ATP2B2: variants seen among roughly 807,000 people sequenced by gnomAD.
The protein encoded by ATP2B2 is ATPase plasma membrane Ca2+ transporting 2, also known as plasma membrane calcium-transporting ATPase 2.
A neutral mutation model predicts 120.0 loss-of-function variants in ATP2B2; 15 were observed. The ratio of observed to expected loss-of-function variants is 0.12; its 90% CI spans 0.08 to 0.19. ATP2B2 has a LOEUF of 0.19. ATP2B2 is among the 10% of genes least tolerant of loss of function. The probability of loss-of-function intolerance (pLI) is 1.00; values close to 1 mark genes in which losing one functional copy is unlikely to be tolerated. For synonymous variants in ATP2B2, 694 were observed against 700.3 expected (o/e 0.99, Z 0.14); for missense variants, 1,045 against 1,719.8 (o/e 0.61, Z 6.94).
intron 1 of ATP2B2, among the ~76,000 whole-genome samples, chr3:10,629,494 G>A (rs2069804338): frequency 6.6e-6 from 1 of 152,222 alleles, no homozygotes; most frequent in Non-Finnish European, 1.5e-5. Flanking sequence ...CCTTCCGTGT[G>A]CCACATGCCT....
At chr3:10,533,218 A>G (rs2067245899) in intron 3 of ATP2B2, among the ~76,000 whole-genome samples, 1 of 152,222 alleles carries the variant, frequency 6.6e-6, no homozygotes, top group Admixed American at 6.5e-5. Flanking sequence ...GCAAGGAGCC[A>G]CAGAAATCTC....
chr3:10,701,876 A>AT (rs949273148), intron 1 of ATP2B2, among the ~76,000 whole-genome samples: 23 of 149,130 alleles, frequency 1.5e-4, no homozygotes, highest in South Asian at 1.3e-3. Context: ...GAGCATACAA[A>AT]TTTTTTTTTT....
chr3:10,506,462 T>G (rs2066630966), upstream of ATP2B2, among the ~76,000 whole-genome samples: 7 of 151,400 alleles, frequency 4.6e-5, no homozygotes, highest in Admixed American at 3.9e-4. Flanking sequence ...GGGTGAGGAG[T>G]CGGTAGGGTT....
chr3:10,358,113 CT>C (rs1189985461), intron 14 of ATP2B2, among the ~76,000 whole-genome samples: 2 of 152,196 alleles, frequency 1.3e-5, no homozygotes, highest in Non-Finnish European at 2.9e-5. Context: ...AACTTTCTAG[CT>C]CTGTTCCCCT....
At chr3:10,379,356 AG>A in intron 8 of ATP2B2, 72 bp from the exon 9 acceptor site, 38 of 1,507,720 alleles carry the variant, frequency 2.5e-5, no homozygotes, top group Non-Finnish European at 3.5e-5. Flanking sequence ...AAGACGCAAC[AG>A]GCCACAGACA....
chr3:10,682,353 G>A (rs2071403595), intron 1 of ATP2B2, among the ~76,000 whole-genome samples: 1 of 152,184 alleles, frequency 6.6e-6, no homozygotes, highest in African/African-American at 2.4e-5. Flanking sequence ...ACAAATCACA[G>A]CACTGTGGTC....
chr3:10,606,756 A>T (rs2069078592), intron 2 of ATP2B2, among the ~76,000 whole-genome samples: 1 of 152,044 alleles, frequency 6.6e-6, no homozygotes, highest in South Asian at 2.1e-4. Context: ...ACACCTGCTT[A>T]TGTATAAGAC....
chr3:10,365,616 GGGTGTGTGTCTGT>G (rs2061022274), intron 12 of ATP2B2, among the ~76,000 whole-genome samples: 1 of 151,262 alleles, frequency 6.6e-6, no homozygotes, highest in South Asian at 2.1e-4. Flanking sequence ...GTGATGCATG[GGGTGTGTGTCTGT>G]GGTGTGTGTA....
chr3:10,455,293 G>T (rs1056262613), intron 1 of ATP2B2, among the ~76,000 whole-genome samples: 2 of 152,142 alleles, frequency 1.3e-5, no homozygotes, highest in Non-Finnish European at 2.9e-5. Flanking sequence ...TTGTAATGAG[G>T]CATCAGAGTG....
At position 10,346,159 on chromosome 3, in the gene ATP2B2, C is replaced by T. The variant is rs2060425908; in HGVS notation, c.2405-22G>A. On this transcript the variant is annotated intron_variant, in intron 16 of 22. Coordinates refer to ENST00000360273, the MANE Select transcript of ATP2B2 (RefSeq NM_001001331.4). This position sits in a 1 kb window ranked among gnomAD's most constrained non-coding sequence, Gnocchi z 4.1. Reference sequence around the variant, plus strand: ...ATGCCTGTTGGGGCAGGAGTGTGCTCAGGCCCTGGGCCACTCAGGTGGGAG... The same window carrying T: ...ATGCCTGTTGGGGCAGGAGTGTGCTTAGGCCCTGGGCCACTCAGGTGGGAG... 1 of 1,606,760 alleles carries T rather than the reference C, an allele frequency of 6.2e-7. No individual in the cohort carries two copies. Among genetic ancestry groups the T allele is most frequent in the African/African-American group, 1.3e-5 (1 of 75,050 alleles).
At chr3:10,364,707 T>G (rs370075313) in intron 12 of ATP2B2, among the ~76,000 whole-genome samples, 1 of 151,696 alleles carries the variant, frequency 6.6e-6, no homozygotes, top group Non-Finnish European at 1.5e-5. Flanking sequence ...CAAGACTCCA[T>G]CTTGGGGAAA....
intron 1 of ATP2B2, among the ~76,000 whole-genome samples, chr3:10,650,888 T>G (rs1393185706): frequency 6.6e-6 from 1 of 152,216 alleles, no homozygotes; most frequent in Admixed American, 6.5e-5. Flanking sequence ...GCCCACCTCT[T>G]GCATCCATGT....
intron 2 of ATP2B2, among the ~76,000 whole-genome samples, chr3:10,577,984 A>T (rs902302116): frequency 5.9e-5 from 9 of 152,194 alleles, no homozygotes; most frequent in Non-Finnish European, 1.2e-4. Context: ...GCTGTGACAC[A>T]GTCCCGAAAT....
intron 2 of ATP2B2, among the ~76,000 whole-genome samples, chr3:10,613,742 G>GC (rs2069304735): frequency 6.6e-6 from 1 of 151,444 alleles, no homozygotes; most frequent in Non-Finnish European, 1.5e-5. Context: ...TTCCGCCCTT[G>GC]CCCCCTGCAG....
intron 2 of ATP2B2, among the ~76,000 whole-genome samples, chr3:10,583,626 C>T (rs781043470): frequency 2.6e-5 from 4 of 152,158 alleles, no homozygotes; most frequent in Non-Finnish European, 5.9e-5. Context: ...ACTTCATGAA[C>T]GTAGGACAAC....
At chr3:10,482,128 G>A (rs1039792284) in intron 1 of ATP2B2, among the ~76,000 whole-genome samples, 5 of 152,206 alleles carry the variant, frequency 3.3e-5, no homozygotes, top group Admixed American at 1.3e-4. Context: ...GTTGGTGCGC[G>A]GTAGGTGCTT....
intron 3 of ATP2B2, among the ~76,000 whole-genome samples, chr3:10,526,386 T>C (rs1490660687): frequency 6.6e-6 from 1 of 152,176 alleles, no homozygotes; most frequent in African/African-American, 2.4e-5. Context: ...TTTAAGGAGT[T>C]CCTTGGGGTG....
chr3:10,522,352 C>G (rs1471249948), intron 3 of ATP2B2, among the ~76,000 whole-genome samples: 2 of 152,120 alleles, frequency 1.3e-5, no homozygotes, highest in African/African-American at 2.4e-5. Context: ...CAAGATCAGA[C>G]AGCTAGTAAG....
intron 2 of ATP2B2, among the ~76,000 whole-genome samples, chr3:10,573,183 T>C (rs1324138002): frequency 1.3e-5 from 2 of 151,452 alleles, no homozygotes; most frequent in Admixed American, 1.3e-4. Context: ...TATACTCTAG[T>C]TTTGGACAGG....
Sources: allele counts gnomAD v4.1 joint callset (sites outside exome capture counted in the v4.1 genomes callset), GRCh38; gene constraint gnomAD v4.1.1; non-coding constraint Gnocchi (gnomAD v3.1); transcripts MANE v1.5; gene names NCBI Gene and HGNC (gene_info 2026-07-23, HGNC 2026-07-21).